Variants in PHKA1 observed in about 807,000 individuals in gnomAD.
PHKA1 encodes phosphorylase kinase regulatory subunit alpha 1, also known as phosphorylase b kinase regulatory subunit alpha, skeletal muscle isoform.
In PHKA1, 60 loss-of-function variants were observed where a neutral mutation model predicts 110.2. The observed-to-expected ratio is 0.54, with a 90% CI of 0.44 to 0.68. The LOEUF (loss-of-function observed/expected upper bound fraction) is 0.68, where lower values mean the gene tolerates loss of function less well. PHKA1 is among the 30% of genes least tolerant of loss of function. The pLI, the probability that PHKA1 is intolerant of heterozygous loss-of-function variation, is 0.00. For synonymous variants in PHKA1, 316 were observed against 333.6 expected, an observed-to-expected ratio of 0.95 and a Z score of 0.58; for missense variants, 801 against 942.5, an observed-to-expected ratio of 0.85 and a Z score of 1.97.
intron 4 of PHKA1, among the ~76,000 whole-genome samples, chrX:72,689,775 T>C (rs183240788): frequency 1.8e-5 from 2 of 111,727 alleles, no homozygotes; most frequent in East Asian, 5.6e-4. Context: ...TTTTTAAGCC[T>C]TTTAAGGAAC....
chrX:72,597,438 T>C (rs1253098259), intron 28 of PHKA1, among the ~76,000 whole-genome samples: 1 of 111,827 alleles, frequency 8.9e-6, no homozygotes, highest in African/African-American at 3.2e-5. Context: ...TTGTCACAAC[T>C]CATTGCAGGG....
intron 14 of PHKA1, among the ~76,000 whole-genome samples, chrX:72,637,273 C>T (rs1004798744): frequency 1.8e-5 from 2 of 111,689 alleles, no homozygotes; most frequent in African/African-American, 3.3e-5. Flanking sequence ...TCTATGAATT[C>T]GGTATCTCAT....
At chrX:72,693,409 G>T (rs186123145) in intron 4 of PHKA1, among the ~76,000 whole-genome samples, 1 of 111,771 alleles carries the variant, frequency 8.9e-6, no homozygotes, top group Admixed American at 9.5e-5. Context: ...AATTCCTTTG[G>T]GAAAAGCTAC....
chrX:72,714,251 A>G lies in PHKA1; in HGVS notation c.-371T>C, dbSNP rs1386237241. Reference sequence around the variant, plus strand: ...CACAGCCTCCCGCCCGGCCGCCGCCAACAGGTCAACGACCGCTGCGCCGCC... The same window carrying G: ...CACAGCCTCCCGCCCGGCCGCCGCCGACAGGTCAACGACCGCTGCGCCGCC... On this transcript the variant is annotated 5_prime_UTR_variant, in exon 1 of 32. Coordinates refer to ENST00000373542, the MANE Select transcript of PHKA1 (RefSeq NM_002637.4). 5.8e-6 allele frequency: 1 copy of G among 172,371 alleles called. No homozygotes were observed. Among genetic ancestry groups the G allele is most frequent in the East Asian group, 1.6e-4 (1 of 6,181 alleles). The allele number at this position is 172,371 out of a possible 1,213,427, so 14.2% of individuals were successfully genotyped here.
At chrX:72,625,670 T>C (rs1556282285) in intron 17 of PHKA1, among the ~76,000 whole-genome samples, 1 of 111,635 alleles carries the variant, frequency 9.0e-6, no homozygotes, top group Non-Finnish European at 1.9e-5. Flanking sequence ...CTATTTTAAG[T>C]TGTTTGAGAA....
chrX:72,666,306 A>G lies in PHKA1; in HGVS notation c.718-9T>C, dbSNP rs782594185. The G allele has an allele frequency of 5.0e-5, 60 of 1,198,501 alleles. No homozygotes were observed. Among genetic ancestry groups the G allele is most frequent in the Non-Finnish European group, 6.6e-5 (58 of 884,997 alleles). On this transcript the variant is annotated splice_polypyrimidine_tract_variant and intron_variant, in intron 7 of 31. Coordinates refer to ENST00000373542, the MANE Select transcript of PHKA1 (RefSeq NM_002637.4). ...AGTGAATTTAGGATAGACTAAGAGAAAAGAAGTTAAGTTTATATAAAAGGA... is the reference window on the plus strand; with the variant it reads ...AGTGAATTTAGGATAGACTAAGAGAGAAGAAGTTAAGTTTATATAAAAGGA...
intron 2 of PHKA1, chrX:72,712,375 C>T (rs2054396824): frequency 5.4e-6 from 1 of 184,151 alleles, no homozygotes; most frequent in Admixed American, 7.1e-5. Context: ...ATGTCATTTA[C>T]CCTCATACAA....
intron 8 of PHKA1, 45 bp from the exon 9 acceptor site, chrX:72,657,686 G>A (rs1032792906): frequency 7.7e-6 from 8 of 1,032,366 alleles, no homozygotes; most frequent in African/African-American, 1.8e-5. Context: ...ACACTGGTAC[G>A]GCCATGTAAT....
At chrX:72,619,422 C>A in intron 19 of PHKA1, 117 bp from the exon 20 acceptor site, 1 of 480,547 alleles carries the variant, frequency 2.1e-6, no homozygotes, top group South Asian at 3.1e-5. Flanking sequence ...ACAAGAATGA[C>A]AAATTTCTCC....
intron 23 of PHKA1, 144 bp downstream of exon 23, chrX:72,609,480 A>G: frequency 1.9e-6 from 1 of 538,712 alleles, no homozygotes. Context: ...TTGCCCTACC[A>G]TTACCAACAT....
chrX:72,588,081 C>A (rs1230914226), intron 29 of PHKA1, among the ~76,000 whole-genome samples: 1 of 111,783 alleles, frequency 8.9e-6, no homozygotes, highest in East Asian at 2.8e-4. Flanking sequence ...ACCAAGCACA[C>A]CTAATAGACA....
At chrX:72,622,343 G>A in intron 18 of PHKA1, 2 of 753,953 alleles carry the variant, frequency 2.7e-6, no homozygotes, top group Non-Finnish European at 3.1e-6. Flanking sequence ...GAAATTGGCT[G>A]CCTTAAGATA....
rs781855928 is a variant in PHKA1 at position 72,640,226 on chromosome X, G to A, written c.1460-3840C>T. ...ATGAAAAGCAGCACAAAATTAAAGG[G>A]CAAATAACAAAATAGCAAAATATTT... is the stretch of plus-strand genomic sequence containing the variant. On this transcript the variant is annotated intron_variant, in intron 14 of 31. Transcript: ENST00000373542. Among the ~76,000 whole-genome samples the A allele has an allele frequency of 5.7e-3, 635 of 111,225 alleles. 3 individuals carry two copies. Among genetic ancestry groups the A allele is most frequent in the Non-Finnish European group, 9.2e-3 (489 of 52,956 alleles).
intron 26 of PHKA1, 105 bp downstream of exon 26, chrX:72,603,013 AT>A: frequency 1.8e-6 from 1 of 550,874 alleles, no homozygotes; most frequent in Admixed American, 2.7e-5. Context: ...ATTGGAGTTT[AT>A]TTATTTGGGG....
rs782540634 is a variant in PHKA1 at position 72,644,311 on chromosome X, A to G, written c.1459+51T>C. Reference sequence around the variant, plus strand: ...TGAAGAAGAAAAAAGGATGGAAACCAGCCTATAATGAATAATGCTTTGATT... The same window carrying G: ...TGAAGAAGAAAAAAGGATGGAAACCGGCCTATAATGAATAATGCTTTGATT... On this transcript the variant is annotated intron_variant, in intron 14 of 31. Transcript: ENST00000373542. 3 of 1,168,061 alleles carry G rather than the reference A, an allele frequency of 2.6e-6. No homozygotes were observed. The African/African-American group carries it at 5.3e-5, about 21-fold the overall frequency.
intron 2 of PHKA1, among the ~76,000 whole-genome samples, chrX:72,710,839 T>C (rs1556334301): frequency 3.9e-5 from 4 of 101,758 alleles, no homozygotes; most frequent in African/African-American, 1.5e-4. Flanking sequence ...TTTATTTTTT[T>C]ATTTTTTTTT....
chrX:72,593,425 T>C, intron 28 of PHKA1, 151 bp from the exon 29 acceptor site: 1 of 456,123 alleles, frequency 2.2e-6, no homozygotes, highest in Non-Finnish European at 3.9e-6. Context: ...CACTGCAAGC[T>C]CTGCCTCCCG....
intron 5 of PHKA1, among the ~76,000 whole-genome samples, chrX:72,682,452 G>A (rs1556316624): frequency 9.1e-6 from 1 of 110,120 alleles, no homozygotes; most frequent in East Asian, 3.1e-4. Flanking sequence ...GAACGGGCCA[G>A]GATGACAATG....
At chrX:72,621,818 C>T (rs1556278194) in intron 18 of PHKA1, 15 of 749,202 alleles carry the variant, frequency 2.0e-5, no homozygotes, top group Non-Finnish European at 2.4e-5. Flanking sequence ...AAGCTCTTTA[C>T]CCACAGAAGG....
Sources: gnomAD v4.1 joint callset for allele counts (sites outside exome capture counted in the v4.1 genomes callset) on GRCh38, gnomAD v4.1.1 for gene constraint, MANE v1.5 for transcripts, NCBI Gene and HGNC (gene_info 2026-07-23, HGNC 2026-07-21) for gene names.